UNC5B: variants seen among roughly 807,000 people sequenced by gnomAD.
UNC5B encodes netrin receptor UNC5B.
Under a neutral mutation model 103.7 loss-of-function variants are expected in UNC5B, and 56 were observed. The ratio of observed to expected loss-of-function variants is 0.54; its 90% confidence interval spans 0.44 to 0.67. The LOEUF (loss-of-function observed/expected upper bound fraction) is 0.67. Among genes scored for constraint, UNC5B ranks in the 30% least tolerant of loss-of-function variants. The probability of loss-of-function intolerance (pLI) is 0.00; values close to 1 mark genes in which losing one functional copy is unlikely to be tolerated. For synonymous variants in UNC5B, 577 were observed against 542.0 expected, an observed-to-expected ratio of 1.06 and a Z score of -0.90; for missense variants, 1,194 against 1,284.5, an observed-to-expected ratio of 0.93 and a Z score of 1.08.
intron 1 of UNC5B, among the ~76,000 whole-genome samples, chr10:71,241,371 G>C (rs533927001): frequency 6.6e-6 from 1 of 152,132 alleles, no homozygotes; most frequent in Non-Finnish European, 1.5e-5. Flanking sequence ...CAGGCACCTG[G>C]CTTGTAAAGA....
chr10:71,285,465 T>C, intron 4 of UNC5B, 36 bp downstream of exon 4: 7 of 1,518,724 alleles, frequency 4.6e-6, no homozygotes, highest in Non-Finnish European at 5.3e-6. Context: ...AGCACGGCCC[T>C]GTGGCCATGC....
At chr10:71,282,945 T>C (rs1459032716) in intron 2 of UNC5B, among the ~76,000 whole-genome samples, 1 of 147,770 alleles carries the variant, frequency 6.8e-6, no homozygotes, top group Non-Finnish European at 1.5e-5. Context: ...TGAAACTGTG[T>C]CTCTACAAAA....
intron 1 of UNC5B, among the ~76,000 whole-genome samples, chr10:71,226,098 T>G (rs760086320): frequency 6.6e-6 from 1 of 152,210 alleles, no homozygotes; most frequent in Admixed American, 6.5e-5. Context: ...TTTTTGAGAC[T>G]GAGTCTTGCT....
chr10:71,219,812 A>T (rs1465251346), intron 1 of UNC5B, among the ~76,000 whole-genome samples: 1 of 152,218 alleles, frequency 6.6e-6, no homozygotes, highest in African/African-American at 2.4e-5. Context: ...GTGACAGATG[A>T]TATGCAGGGA....
chr10:71,256,132 T>C (rs574625286), intron 1 of UNC5B, among the ~76,000 whole-genome samples: 1 of 152,336 alleles, frequency 6.6e-6, no homozygotes, highest in South Asian at 2.1e-4. Context: ...GTCCCTACCA[T>C]AGCCCCTTCT....
chr10:71,284,565 C>T (rs1845015792), intron 2 of UNC5B, among the ~76,000 whole-genome samples, 155 bp from the exon 3 acceptor site: 1 of 152,184 alleles, frequency 6.6e-6, no homozygotes. Context: ...GGCCATGAAG[C>T]TTGAGCCAGG....
rs1382572361 is a variant in UNC5B, at chr10:71,302,010, C to T, written c.*2733C>T. 1 of 152,244 alleles carries T rather than the reference C, an allele frequency of 6.6e-6. No individual in the cohort carries two copies. The highest frequency in any genetic ancestry group is 6.5e-5 in the Admixed American group (1 of 15,282). The allele number at this position is 152,244 out of a possible 1,614,324, so 9.4% of individuals were successfully genotyped here. On this transcript the variant is annotated 3_prime_UTR_variant, in exon 17 of 17. Transcript: ENST00000335350. The stretch of plus-strand genomic sequence containing the variant: ...TGACTTCCAGAAATGTGCACCATGT[C>T]CTAGAGCACAGACCCATTGGCTGGA...
intron 1 of UNC5B, among the ~76,000 whole-genome samples, chr10:71,272,707 C>T (rs935574656): frequency 1.3e-5 from 2 of 152,158 alleles, no homozygotes; most frequent in Non-Finnish European, 2.9e-5. Context: ...CGGTAGAACG[C>T]GGGGCTCCAA....
chr10:71,291,460 G>T lies in UNC5B; in HGVS notation c.1323G>T (p.Val441=). 2 of 1,612,702 alleles carry T rather than the reference G, an allele frequency of 1.2e-6. No homozygotes were observed. Among genetic ancestry groups the T allele is most frequent in the Non-Finnish European group, 1.7e-6 (2 of 1,179,258 alleles). ...PSNPQLLHPS[V]PPDLTASAGI... Reference sequence around the variant, plus strand: ...ACCCGCAGCTCCTACACCCCTCTGTGCCTCCTGACCTGACAGCCAGCGCCG... The same window carrying T: ...ACCCGCAGCTCCTACACCCCTCTGTTCCTCCTGACCTGACAGCCAGCGCCG... Residue 441 remains valine, a synonymous_variant, in exon 10 of 17, where the codon GTG becomes GTT. Transcript: ENST00000335350.
intron 1 of UNC5B, among the ~76,000 whole-genome samples, chr10:71,216,551 C>G (rs1184860010): frequency 6.6e-6 from 1 of 152,198 alleles, no homozygotes; most frequent in Non-Finnish European, 1.5e-5. Flanking sequence ...GGCTGCATGG[C>G]CAAATAAACA....
At position 71,284,839 on chromosome 10, in the gene UNC5B, C is replaced by T. The variant is rs141063931; in HGVS notation, c.424C>T (p.Arg142Cys). The change falls in exon 3 of 17, where the codon CGC becomes TGC. Residue 142 changes from arginine (R) to cysteine (C), a missense_variant. Physicochemically the swap from Arg to Cys is radical, Grantham distance 180. Transcript: ENST00000335350. ...AWSSAGTTKS[R>C]RAYVRIAYLR... ...GAGCTCCGCGGGCACCACCAAGAGT[C>T]GCCGAGCCTACGTCCGCATCGCCTG... 8.1e-4 allele frequency: 1,305 copies of T among 1,611,518 alleles called. 1 individual carries two copies. Among genetic ancestry groups the T allele is most frequent in the Non-Finnish European group, 9.8e-4 (1,156 of 1,178,852 alleles).
At chr10:71,234,787 G>A (rs1365937831) in intron 1 of UNC5B, among the ~76,000 whole-genome samples, 3 of 152,224 alleles carry the variant, frequency 2.0e-5, no homozygotes, top group Non-Finnish European at 2.9e-5. Context: ...GGGTCTGGGG[G>A]CCCTGCTGCC....
At chr10:71,290,044 G>A (rs1449579347) in intron 8 of UNC5B, among the ~76,000 whole-genome samples, 1 of 152,224 alleles carries the variant, frequency 6.6e-6, no homozygotes. Context: ...CGCCATTTTT[G>A]CTCTCCCTGA....
chr10:71,281,750 T>G (rs1157280765), intron 2 of UNC5B, among the ~76,000 whole-genome samples: 1 of 152,274 alleles, frequency 6.6e-6, no homozygotes, highest in African/African-American at 2.4e-5. Flanking sequence ...GCCCCAGTTC[T>G]TCTCTTCGTA....
intron 1 of UNC5B, among the ~76,000 whole-genome samples, chr10:71,232,875 A>G (rs898188855): frequency 4.6e-5 from 7 of 152,154 alleles, no homozygotes; most frequent in Admixed American, 1.3e-4. Flanking sequence ...AGTCCTCCCA[A>G]CCACTCTGTG....
chr10:71,292,463 CT>C lies in UNC5B; in HGVS notation c.1685-3del. On this transcript the variant is annotated splice_region_variant and splice_polypyrimidine_tract_variant and intron_variant, in intron 10 of 16. Coordinates refer to ENST00000335350, the MANE Select transcript of UNC5B (RefSeq NM_170744.5). ...ACTCCCTGCTGACTTCCCTCTCCCC[CT>C]AGGGGTCAGCTTGCTGGTGCCCAAT... 1.9e-6 allele frequency: 3 copies of C among 1,588,946 alleles called. No homozygotes were observed. The highest frequency in any genetic ancestry group is 1.2e-5 in the South Asian group (1 of 86,794).
intron 1 of UNC5B, among the ~76,000 whole-genome samples, chr10:71,237,212 G>A (rs745736814): frequency 6.6e-6 from 1 of 152,214 alleles, no homozygotes; most frequent in African/African-American, 2.4e-5. Context: ...CTGTTTGCCT[G>A]GTCACCAAGA....
chr10:71,227,625 T>C (rs1479795189), intron 1 of UNC5B, among the ~76,000 whole-genome samples: 1 of 145,744 alleles, frequency 6.9e-6, no homozygotes, highest in Non-Finnish European at 1.5e-5. Context: ...TATATACATA[T>C]ATACATATAT....
chr10:71,248,418 GC>G (rs2132267251), intron 1 of UNC5B, among the ~76,000 whole-genome samples: 1 of 151,428 alleles, frequency 6.6e-6, no homozygotes, highest in South Asian at 2.1e-4. Flanking sequence ...GAGAAGGGGG[GC>G]CCACTTTCCC....
Sources: gnomAD v4.1 joint callset for allele counts (sites outside exome capture counted in the v4.1 genomes callset) on GRCh38, gnomAD v4.1.1 for gene constraint, MANE v1.5 for transcripts, NCBI Gene and HGNC (gene_info 2026-07-23, HGNC 2026-07-21) for gene names.